ESCO1: variants seen among roughly 807,000 people sequenced by gnomAD.
ESCO1 encodes N-acetyltransferase ESCO1.
ESCO1 carries 33 observed loss-of-function variants against 83.5 expected under a neutral mutation model. The ratio of observed to expected loss-of-function variants is 0.40; its 90% CI spans 0.30 to 0.53. The LOEUF is 0.53. ESCO1 is among the 20% of genes least tolerant of loss of function. ESCO1 has a pLI of 0.63. For synonymous variants in ESCO1, 332 were observed against 324.3 expected (o/e 1.02, Z -0.25); for missense variants, 855 against 968.0 (o/e 0.88, Z 1.55).
chr18:21,556,491 C>A (rs754471856), intron 8 of ESCO1, among the ~76,000 whole-genome samples: 6 of 152,162 alleles, frequency 3.9e-5, no homozygotes, highest in Non-Finnish European at 8.8e-5. Context: ...TAACTTCTTT[C>A]CTCAACTTTC....
chr18:21,600,338 C>A (rs1340266909), intron 1 of ESCO1, among the ~76,000 whole-genome samples: 1 of 152,258 alleles, frequency 6.6e-6, no homozygotes, highest in Non-Finnish European at 1.5e-5. Context: ...TCGGCGGTCA[C>A]GACCCCTTAT....
intron 4 of ESCO1, 127 bp from the exon 5 acceptor site, chr18:21,568,221 A>G (rs1479450320): frequency 1.5e-6 from 1 of 653,362 alleles, no homozygotes; most frequent in African/African-American, 1.8e-5. Flanking sequence ...ACAGACATGA[A>G]GTCTCCCCAT....
chr18:21,552,638 G>GTATTA (rs2038060349), intron 8 of ESCO1, among the ~76,000 whole-genome samples: 1 of 152,120 alleles, frequency 6.6e-6, no homozygotes, highest in Non-Finnish European at 1.5e-5. Context: ...CAGTGGTACT[G>GTATTA]GTGAAACAAC....
chr18:21,570,840 G>A (rs1437762467), intron 4 of ESCO1, among the ~76,000 whole-genome samples: 2 of 152,086 alleles, frequency 1.3e-5, no homozygotes, highest in Non-Finnish European at 2.9e-5. Flanking sequence ...AGCCGGGCGT[G>A]GTGGCAGGCG....
At position 21,574,507 on chromosome 18, in the gene ESCO1, T is replaced by C. The variant is rs2038392228; in HGVS notation, c.337A>G (p.Lys113Glu). Residue 113 changes from lysine (K) to glutamate (E), a missense_variant, in exon 4 of 12, where the codon AAA (lysine) becomes GAA (glutamate). Physicochemically the swap from Lys to Glu is moderately conservative, Grantham distance 56. Coordinates refer to ENST00000269214, the MANE Select transcript of ESCO1 (RefSeq NM_052911.3). Reference protein sequence around the residue: ...SQKKLVHENPKANEQLNRRSQ... With the variant: ...SQKKLVHENPEANEQLNRRSQ... ...CTCCGGTTAAGCTGTTCATTTGCTT[T>C]AGGGTTTTCATGTACTAATTTTTTC... The C allele has an allele frequency of 6.2e-7, 1 of 1,614,076 alleles. No individual in the cohort carries two copies. The highest frequency in any genetic ancestry group is 8.5e-7 in the Non-Finnish European group (1 of 1,180,004).
Position 21,539,929 on chromosome 18 carries a change from G to T in ESCO1, c.2034C>A (p.Ala678=). Residue 678 remains alanine (A), a synonymous_variant, in exon 9 of 12, where the codon GCC becomes GCA. Transcript: ENST00000269214. ...TTCACTGGAAATTTACCTTTTTCAGGGCATACTTTGGGTCTTCAGGAAGAA... is the reference window on the plus strand; with the variant it reads ...TTCACTGGAAATTTACCTTTTTCAGTGCATACTTTGGGTCTTCAGGAAGAA... ...IMVLPEDPKY[A]LKKVDEIREM... is the part of the protein sequence containing the mutation. 2 of 1,611,958 alleles carry T rather than the reference G, an allele frequency of 1.2e-6. No homozygotes were observed. The highest frequency in any genetic ancestry group is 1.7e-6 in the Non-Finnish European group (2 of 1,179,284).
intron 8 of ESCO1, among the ~76,000 whole-genome samples, chr18:21,541,066 G>A (rs1279201189): frequency 6.6e-6 from 1 of 152,166 alleles, no homozygotes; most frequent in Non-Finnish European, 1.5e-5. Context: ...AAAGATCATA[G>A]TTGGGAACAA....
At position 21,574,294 on chromosome 18, in the gene ESCO1, A is replaced by G. The variant is rs1421584363; in HGVS notation, c.550T>C (p.Ser184Pro). ...AGATTTTCATCTTCTTTAGAGTCAG[A>G]CTTTACTTCCAGTACTTTTCTCTTC... ...HVKRKVLEVK[S>P]DSKEDENLVI... is the part of the protein sequence containing the mutation. The change falls in exon 4 of 12, where the codon TCT (serine) becomes CCT (proline). Residue 184 changes from serine to proline, a missense_variant. By Grantham distance (74) the Ser-to-Pro change is moderately conservative (BLOSUM62 -1). This residue lies in a region of ESCO1 where 726 missense variants were observed against 699.5 expected (regional missense o/e 1.04). Coordinates refer to ENST00000269214, the MANE Select transcript of ESCO1 (RefSeq NM_052911.3). 1.2e-6 allele frequency: 2 copies of G among 1,613,750 alleles called. No homozygotes were observed. The highest frequency in any genetic ancestry group is 3.3e-5 in the Admixed American group (2 of 59,950).
At chr18:21,547,935 C>T (rs1476610721) in intron 8 of ESCO1, among the ~76,000 whole-genome samples, 2 of 152,002 alleles carry the variant, frequency 1.3e-5, no homozygotes, top group Non-Finnish European at 2.9e-5. Flanking sequence ...AACCCTGTCT[C>T]TACTAAAAAT....
intron 1 of ESCO1, among the ~76,000 whole-genome samples, chr18:21,590,502 G>C (rs2038650166): frequency 1.3e-5 from 2 of 151,968 alleles, no homozygotes; most frequent in Non-Finnish European, 2.9e-5. Context: ...ATACAGGCAT[G>C]AGCCACCGCA....
intron 5 of ESCO1, 75 bp from the exon 6 acceptor site, chr18:21,566,281 T>A: frequency 7.3e-7 from 1 of 1,373,390 alleles, no homozygotes; most frequent in South Asian, 1.3e-5. Flanking sequence ...AAAATCATTA[T>A]ACATAAAGAA....
chr18:21,562,959 C>T (rs1364183652), intron 7 of ESCO1, among the ~76,000 whole-genome samples: 3 of 151,306 alleles, frequency 2.0e-5, no homozygotes, highest in African/African-American at 7.3e-5. Context: ...GAAACCTCCA[C>T]CTTCCGAGTT....
intron 11 of ESCO1, among the ~76,000 whole-genome samples, chr18:21,531,255 G>A (rs747001544): frequency 6.6e-6 from 1 of 151,290 alleles, no homozygotes; most frequent in African/African-American, 2.4e-5. Context: ...CAGCCCAGGC[G>A]ACATAGCAAG....
At chr18:21,547,021 G>C (rs1347654735) in intron 8 of ESCO1, among the ~76,000 whole-genome samples, 1 of 152,110 alleles carries the variant, frequency 6.6e-6, no homozygotes, top group African/African-American at 2.4e-5. Context: ...CTCTTGGCCT[G>C]ATATGCCTTT....
At chr18:21,563,146 C>G (rs2038211457) in intron 7 of ESCO1, among the ~76,000 whole-genome samples, 1 of 151,382 alleles carries the variant, frequency 6.6e-6, no homozygotes, top group Non-Finnish European at 1.5e-5. Flanking sequence ...GCTGGAATTA[C>G]AGGCGTGAGC....
chr18:21,553,468 A>G (rs2038071173), intron 8 of ESCO1, among the ~76,000 whole-genome samples: 1 of 151,348 alleles, frequency 6.6e-6, no homozygotes, highest in Non-Finnish European at 1.5e-5. Context: ...AAAAAAAAAA[A>G]AAAAAAAATT....
chr18:21,572,812 A>T (rs1025446383), intron 4 of ESCO1, among the ~76,000 whole-genome samples: 1 of 152,024 alleles, frequency 6.6e-6, no homozygotes. Flanking sequence ...TAAAAATACA[A>T]AATCAGCCAG....
At chr18:21,563,314 A>C (rs1314179280) in intron 7 of ESCO1, among the ~76,000 whole-genome samples, 2 of 152,176 alleles carry the variant, frequency 1.3e-5, no homozygotes. Context: ...CTGTTACAAG[A>C]CAAAGTCACT....
intron 6 of ESCO1, among the ~76,000 whole-genome samples, chr18:21,565,146 T>G (rs1394892079): frequency 6.6e-6 from 1 of 151,812 alleles, no homozygotes; most frequent in Non-Finnish European, 1.5e-5. Flanking sequence ...AAAAACTAAT[T>G]TTCAGTAAAA....
Sources: allele counts gnomAD v4.1 joint callset (sites outside exome capture counted in the v4.1 genomes callset), GRCh38; gene constraint gnomAD v4.1.1; regional missense constraint gnomAD v4.1.1; transcripts MANE v1.5; gene names NCBI Gene and HGNC (gene_info 2026-07-23, HGNC 2026-07-21).